XKR6: variants seen among roughly 807,000 people sequenced by gnomAD.
The protein encoded by XKR6 is XK-related protein 6.
XKR6 carries 22 observed loss-of-function variants against 56.7 expected under a neutral mutation model. That is an observed-to-expected ratio of 0.39 (90% CI 0.28 to 0.55). The LOEUF (loss-of-function observed/expected upper bound fraction) is 0.55, where lower values mean the gene tolerates loss of function less well. Among genes scored for constraint, XKR6 ranks in the 20% least tolerant of loss-of-function variants. XKR6 has a pLI of 0.66. For synonymous variants in XKR6, 524 were observed against 387.8 expected (o/e 1.35, Z -4.13); for missense variants, 852 against 889.0 (o/e 0.96, Z 0.53).
intron 1 of XKR6, among the ~76,000 whole-genome samples, chr8:10,993,288 C>G (rs543982278): frequency 1.3e-5 from 2 of 152,206 alleles, no homozygotes; most frequent in Non-Finnish European, 2.9e-5. Flanking sequence ...CAGCACCTAC[C>G]ACTTGCAGCA....
intron 1 of XKR6, among the ~76,000 whole-genome samples, chr8:11,149,079 G>A (rs1801137223): frequency 6.6e-6 from 1 of 152,212 alleles, no homozygotes; most frequent in South Asian, 2.1e-4. Context: ...GAATGTTTGT[G>A]TGCCCCCAAA....
At chr8:11,182,762 A>C (rs886964005) in intron 1 of XKR6, among the ~76,000 whole-genome samples, 2 of 152,342 alleles carry the variant, frequency 1.3e-5, no homozygotes, top group Admixed American at 6.5e-5. Context: ...AGCCATTTTC[A>C]AGTGTACAGT....
chr8:11,012,672 C>T (rs1798528530), intron 1 of XKR6, among the ~76,000 whole-genome samples: 1 of 151,614 alleles, frequency 6.6e-6, no homozygotes, highest in South Asian at 2.1e-4. Flanking sequence ...CCTTTTCCTC[C>T]AATCTGCATC....
At chr8:11,089,065 A>G (rs1297080986) in intron 1 of XKR6, among the ~76,000 whole-genome samples, 1 of 152,170 alleles carries the variant, frequency 6.6e-6, no homozygotes, top group South Asian at 2.1e-4. Flanking sequence ...AAGCCACACA[A>G]CCCAAAGCAA....
At chr8:10,955,615 T>C (rs28546463) in intron 1 of XKR6, among the ~76,000 whole-genome samples, 17,433 of 152,196 alleles carry the variant, frequency 0.11, 2,116 homozygotes, top group African/African-American at 0.31. Flanking sequence ...CTGAGGCAAG[T>C]AGTTTGCCTA....
At chr8:11,024,204 G>GGTGT (rs61021720) in intron 1 of XKR6, among the ~76,000 whole-genome samples, 9,207 of 136,628 alleles carry the variant, frequency 0.067, 434 homozygotes, top group East Asian at 0.17. Flanking sequence ...CCTGTTAGGA[G>GGTGT]GTGTGTGTGT....
intron 1 of XKR6, among the ~76,000 whole-genome samples, chr8:11,114,566 G>A (rs577120364): frequency 6.6e-6 from 1 of 152,166 alleles, no homozygotes; most frequent in Non-Finnish European, 1.5e-5. Flanking sequence ...TCACCATGTT[G>A]GCTGGGCTGG....
At chr8:10,992,717 G>C (rs1049554644) in intron 1 of XKR6, among the ~76,000 whole-genome samples, 6 of 152,192 alleles carry the variant, frequency 3.9e-5, no homozygotes, top group African/African-American at 1.2e-4. Flanking sequence ...TAGCCAAGCA[G>C]TGACTGTGCA....
intron 1 of XKR6, among the ~76,000 whole-genome samples, chr8:11,164,916 C>T (rs1406665872): frequency 6.6e-6 from 1 of 152,052 alleles, no homozygotes; most frequent in African/African-American, 2.4e-5. Context: ...AAGGTCATCC[C>T]ACCTGCCTAC....
At chr8:11,075,564 T>G (rs894819254) in intron 1 of XKR6, among the ~76,000 whole-genome samples, 2 of 152,196 alleles carry the variant, frequency 1.3e-5, no homozygotes, top group Non-Finnish European at 2.9e-5. Context: ...ATGGAGTAGA[T>G]ACTACTGTTC....
Position 11,043,277 on chromosome 8 carries a change from G to A in XKR6, c.765-118447C>T, listed in dbSNP as rs566570793. Among the ~76,000 whole-genome samples, 187 of 152,192 alleles carry A rather than the reference G, an allele frequency of 1.2e-3. 2 individuals are homozygous for A. Among genetic ancestry groups the A allele is most frequent in the African/African-American group, 4.2e-3 (173 of 41,526 alleles). ...AGCACTCAAACACTGGTGAGGATGC[G>A]AGGTGGGGTGTTGGGAGTGAGTCTC... On this transcript the variant is annotated intron_variant, in intron 1 of 2. Coordinates refer to ENST00000416569, the MANE Select transcript of XKR6 (RefSeq NM_173683.4).
chr8:10,913,097 G>T (rs1187894321), intron 2 of XKR6, among the ~76,000 whole-genome samples: 4 of 151,206 alleles, frequency 2.6e-5, no homozygotes, highest in African/African-American at 4.9e-5. Flanking sequence ...TATATATAGA[G>T]AGAGAGTATA....
chr8:11,114,969 T>C (rs2062488519), intron 1 of XKR6, among the ~76,000 whole-genome samples: 1 of 152,206 alleles, frequency 6.6e-6, no homozygotes, highest in South Asian at 2.1e-4. Flanking sequence ...AGCACCGGAA[T>C]TAAGTGCTTG....
chr8:11,147,985 G>A lies in XKR6; in HGVS notation c.764+52591C>T, dbSNP rs546912056. ...AGCACTTTGGGAGGCCAAGGCAGGA[G>A]GATCACTTGAGGTCAGGAGTTGGAG... On this transcript the variant is annotated intron_variant, in intron 1 of 2. Coordinates refer to ENST00000416569, the MANE Select transcript of XKR6 (RefSeq NM_173683.4). 2.6e-5 allele frequency among the ~76,000 whole-genome samples: 4 copies of A among 152,126 alleles called. No individual in the cohort carries two copies. In the South Asian group the frequency reaches 8.3e-4, roughly 32 times the overall value.
intron 1 of XKR6, among the ~76,000 whole-genome samples, chr8:10,938,016 A>G (rs1486792681): frequency 2.6e-5 from 4 of 151,956 alleles, no homozygotes; most frequent in Middle Eastern, 3.4e-3. Context: ...GCCGCCTTGC[A>G]GTTTGATCTC....
rs538194925 is a variant in XKR6, at chr8:10,901,338, G to A, written c.962-2422C>T. Reference sequence around the variant, plus strand: ...CCCAATGTGCTGGAATTACAGGCATGAGCCACTGTACCCAGCCTAGAGACA... The same window carrying A: ...CCCAATGTGCTGGAATTACAGGCATAAGCCACTGTACCCAGCCTAGAGACA... On this transcript the variant is annotated intron_variant, in intron 2 of 2. Coordinates refer to ENST00000416569, the MANE Select transcript of XKR6 (RefSeq NM_173683.4). Among the ~76,000 whole-genome samples the A allele has an allele frequency of 9.9e-5, 15 of 152,220 alleles. No homozygotes were observed. In the South Asian group the frequency reaches 1.2e-3, roughly 13 times the overall value.
chr8:11,164,475 A>T (rs1229645213), intron 1 of XKR6, among the ~76,000 whole-genome samples: 1 of 152,232 alleles, frequency 6.6e-6, no homozygotes, highest in Non-Finnish European at 1.5e-5. Flanking sequence ...AAAATAAAAG[A>T]TCCGAAAGGG....
intron 1 of XKR6, among the ~76,000 whole-genome samples, chr8:11,063,233 A>C (rs1217134229): frequency 6.6e-6 from 1 of 152,032 alleles, no homozygotes; most frequent in Non-Finnish European, 1.5e-5. Context: ...AAGGTAACAT[A>C]AAATAAGATT....
At chr8:11,133,318 G>A (rs1800210329) in intron 1 of XKR6, among the ~76,000 whole-genome samples, 2 of 152,098 alleles carry the variant, frequency 1.3e-5, no homozygotes, top group Admixed American at 1.3e-4. Context: ...GAGAGGCAAG[G>A]TGGAAGTGCA....
Sources: allele counts gnomAD v4.1 joint callset (sites outside exome capture counted in the v4.1 genomes callset), GRCh38; gene constraint gnomAD v4.1.1; transcripts MANE v1.5; gene names NCBI Gene and HGNC (gene_info 2026-07-23, HGNC 2026-07-21).